ARL15: variants seen among roughly 807,000 people sequenced by gnomAD.
The protein encoded by ARL15 is ADP-ribosylation factor-like protein 15.
A neutral mutation model predicts 25.2 loss-of-function variants in ARL15; 19 were observed. The ratio of observed to expected loss-of-function variants is 0.75; its 90% CI spans 0.53 to 1.10. ARL15 has a LOEUF of 1.10. Ranked by LOEUF, ARL15 falls within the 50% of genes least tolerant of loss-of-function variation. The pLI, the probability that ARL15 is intolerant of heterozygous loss-of-function variation, is 0.00. For missense variants in ARL15, 220 were observed against 246.0 expected (o/e 0.89, Z 0.71); for synonymous variants, 94 against 86.8 (o/e 1.08, Z -0.46).
At chr5:53,888,273 ATTTT>A (rs140260663) in intron 4 of ARL15, among the ~76,000 whole-genome samples, 1 of 151,278 alleles carries the variant, frequency 6.6e-6, no homozygotes, top group Admixed American at 6.6e-5. Flanking sequence ...TTATTTATTT[ATTTT>A]TTTATTTTTA....
chr5:53,959,812 T>C (rs1324273009), intron 4 of ARL15, among the ~76,000 whole-genome samples: 1 of 152,154 alleles, frequency 6.6e-6, no homozygotes, highest in Non-Finnish European at 1.5e-5. Flanking sequence ...CTCTCCTTCC[T>C]TTCTTCTTGC....
chr5:54,220,470 G>A (rs1440344248), intron 1 of ARL15, among the ~76,000 whole-genome samples: 9 of 152,176 alleles, frequency 5.9e-5, no homozygotes, highest in Admixed American at 1.3e-4. Context: ...CGTCTTCACC[G>A]AAGTTTCTGT....
intron 1 of ARL15, among the ~76,000 whole-genome samples, chr5:54,264,453 T>C (rs891224148): frequency 1.3e-5 from 2 of 152,140 alleles, no homozygotes; most frequent in South Asian, 4.1e-4. Context: ...CCTTTAAAAA[T>C]GCAAGTTAGT....
intron 4 of ARL15, among the ~76,000 whole-genome samples, chr5:53,934,771 A>G (rs576071272): frequency 6.6e-6 from 1 of 152,342 alleles, no homozygotes; most frequent in East Asian, 1.9e-4. Flanking sequence ...AATAAAAATT[A>G]AGTGTTCACA....
At chr5:53,955,724 T>G (rs962888818) in intron 4 of ARL15, among the ~76,000 whole-genome samples, 2 of 152,208 alleles carry the variant, frequency 1.3e-5, no homozygotes, top group Admixed American at 6.5e-5. Flanking sequence ...CAAACCTGTT[T>G]CCTGGCTCAG....
chr5:54,086,226 C>T (rs1159613185), intron 4 of ARL15, among the ~76,000 whole-genome samples: 2 of 152,088 alleles, frequency 1.3e-5, no homozygotes, highest in Non-Finnish European at 2.9e-5. Context: ...TACACATAAG[C>T]TTTAGCATCT....
At chr5:54,307,805 G>C (rs550235271) in intron 1 of ARL15, 45 of 152,110 alleles carry the variant, frequency 3.0e-4, no homozygotes, top group African/African-American at 9.4e-4. Context: ...TTTCCAACAG[G>C]AACAACACAA....
chr5:54,085,349 C>T (rs997515746), intron 4 of ARL15, among the ~76,000 whole-genome samples: 1 of 152,128 alleles, frequency 6.6e-6, no homozygotes, highest in Non-Finnish European at 1.5e-5. Flanking sequence ...TTTCCTTCTC[C>T]TTTGCTATAG....
chr5:53,920,076 T>A (rs1745795788), intron 4 of ARL15, among the ~76,000 whole-genome samples: 1 of 152,190 alleles, frequency 6.6e-6, no homozygotes, highest in South Asian at 2.1e-4. Context: ...AATTTATAAC[T>A]ACTTAATAGA....
At chr5:54,215,260 T>C (rs1756161826) in intron 1 of ARL15, among the ~76,000 whole-genome samples, 1 of 152,126 alleles carries the variant, frequency 6.6e-6, no homozygotes. Context: ...CTATATTCTG[T>C]GGAAGACAAA....
At chr5:53,975,641 G>A (rs1215641258) in intron 4 of ARL15, among the ~76,000 whole-genome samples, 1 of 152,222 alleles carries the variant, frequency 6.6e-6, no homozygotes, top group Admixed American at 6.5e-5. Context: ...CATGGGGCGT[G>A]GCAATGCCAA....
At chr5:54,013,756 C>A (rs553204401) in intron 4 of ARL15, among the ~76,000 whole-genome samples, 1 of 152,290 alleles carries the variant, frequency 6.6e-6, no homozygotes, top group Admixed American at 6.5e-5. Context: ...TGTGGCCCCA[C>A]CCACAGGCTG....
intron 2 of ARL15, among the ~76,000 whole-genome samples, chr5:54,164,891 A>T (rs2112380575): frequency 6.6e-6 from 1 of 151,982 alleles, no homozygotes; most frequent in South Asian, 2.1e-4. Flanking sequence ...GTTTGACTGT[A>T]TCACCTTTCT....
At chr5:53,946,608 CT>C (rs1746743794) in intron 4 of ARL15, among the ~76,000 whole-genome samples, 1 of 151,952 alleles carries the variant, frequency 6.6e-6, no homozygotes, top group African/African-American at 2.4e-5. Context: ...ATACCATATT[CT>C]GTATAAGCGG....
intron 1 of ARL15, among the ~76,000 whole-genome samples, chr5:54,301,275 C>A (rs1305999246): frequency 6.6e-6 from 1 of 151,904 alleles, no homozygotes; most frequent in African/African-American, 2.4e-5. Context: ...GGGAAAAAAG[C>A]AAATTTAGAA....
chr5:54,176,985 A>G (rs889265316), intron 1 of ARL15, among the ~76,000 whole-genome samples: 1 of 152,172 alleles, frequency 6.6e-6, no homozygotes, highest in Non-Finnish European at 1.5e-5. Flanking sequence ...CCAAGACACT[A>G]AACACACACA....
intron 4 of ARL15, among the ~76,000 whole-genome samples, chr5:54,002,087 A>G (rs1748866178): frequency 6.6e-6 from 1 of 152,208 alleles, no homozygotes; most frequent in Admixed American, 6.5e-5. Flanking sequence ...TATGGATTGA[A>G]TTGGTTACGT....
intron 4 of ARL15, among the ~76,000 whole-genome samples, chr5:53,958,579 A>G (rs762162996): frequency 6.6e-6 from 1 of 152,214 alleles, no homozygotes; most frequent in Non-Finnish European, 1.5e-5. Flanking sequence ...TAGTTACTTG[A>G]AGTATAAATG....
chr5:54,021,917 GA>G (rs1416344608), intron 4 of ARL15, among the ~76,000 whole-genome samples: 3 of 148,844 alleles, frequency 2.0e-5, no homozygotes, highest in Non-Finnish European at 4.4e-5. Context: ...CTCACCTAAA[GA>G]AGAATAAAAA....
Sources: allele counts gnomAD v4.1 joint callset (sites outside exome capture counted in the v4.1 genomes callset), GRCh38; gene constraint gnomAD v4.1.1; transcripts MANE v1.5; gene names NCBI Gene and HGNC (gene_info 2026-07-23, HGNC 2026-07-21).